CREB5: variants seen among roughly 807,000 people sequenced by gnomAD.
CREB5 encodes cyclic AMP-responsive element-binding protein 5.
In CREB5, 19 loss-of-function variants were observed where a neutral mutation model predicts 57.1. That is an observed-to-expected ratio of 0.33 (90% CI 0.23 to 0.49). The LOEUF is 0.49. CREB5 is among the 20% of genes least tolerant of loss of function. The pLI is 0.99. For synonymous variants in CREB5, 238 were observed against 238.3 expected, an observed-to-expected ratio of 1.00 and a Z score of 0.01; for missense variants, 579 against 671.6, an observed-to-expected ratio of 0.86 and a Z score of 1.52.
At chr7:28,649,232 T>C (rs1455150906) in intron 5 of CREB5, among the ~76,000 whole-genome samples, 4 of 152,256 alleles carry the variant, frequency 2.6e-5, no homozygotes, top group Non-Finnish European at 5.9e-5. Context: ...CAGGAATTGG[T>C]AAACCATGGC....
At chr7:28,520,750 C>T (rs1324231465) in intron 4 of CREB5, among the ~76,000 whole-genome samples, 1 of 152,176 alleles carries the variant, frequency 6.6e-6, no homozygotes, top group Non-Finnish European at 1.5e-5. Context: ...TTCTTGGCTC[C>T]CCAGAGCCGT....
chr7:28,435,580 C>G, intron 1 of CREB5: 1 of 954,458 alleles, frequency 1.0e-6, no homozygotes, highest in Non-Finnish European at 1.2e-6. Context: ...TCAGGAGAAA[C>G]ATTTCAAACA....
Position 28,483,932 on chromosome 7 carries a change from C to A in CREB5, c.4-4243C>A, listed in dbSNP as rs76461835. On this transcript the variant is annotated intron_variant, in intron 1 of 10. Coordinates refer to ENST00000357727, the MANE Select transcript of CREB5 (RefSeq NM_182898.4). ...ACCTCACCAATAATTTGATTCAGGG[C>A]AAACAGTGTTTGAAAACCACTGCCT... 1.9e-3 allele frequency among the ~76,000 whole-genome samples: 296 copies of A among 152,294 alleles called. 2 individuals are homozygous for A. Among genetic ancestry groups the A allele is most frequent in the East Asian group, 7.3e-3 (38 of 5,186 alleles).
intron 5 of CREB5, among the ~76,000 whole-genome samples, chr7:28,694,358 T>C (rs1801427743): frequency 6.6e-6 from 1 of 152,178 alleles, no homozygotes; most frequent in Non-Finnish European, 1.5e-5. Flanking sequence ...CAGTGGCCTC[T>C]CTATAGCCAG....
At chr7:28,581,323 C>G (rs1170922053) in intron 5 of CREB5, among the ~76,000 whole-genome samples, 1 of 152,208 alleles carries the variant, frequency 6.6e-6, no homozygotes, top group Non-Finnish European at 1.5e-5. Context: ...TTAGGGATCT[C>G]AGAGAAAGTG....
chr7:28,472,126 C>A (rs1431659197), intron 1 of CREB5, among the ~76,000 whole-genome samples: 2 of 142,302 alleles, frequency 1.4e-5, no homozygotes, highest in African/African-American at 5.2e-5. Context: ...CCACTAAACC[C>A]AAAATACGTC....
chr7:28,550,060 A>G (rs1794565786), intron 4 of CREB5, among the ~76,000 whole-genome samples: 1 of 151,880 alleles, frequency 6.6e-6, no homozygotes, highest in South Asian at 2.1e-4. Flanking sequence ...ACTTTATGGC[A>G]CTCTTAGTCT....
intron 1 of CREB5, among the ~76,000 whole-genome samples, chr7:28,451,644 C>A (rs1191791250): frequency 6.6e-6 from 1 of 151,904 alleles, no homozygotes; most frequent in Non-Finnish European, 1.5e-5. Context: ...TGTGCATGTG[C>A]AAATACATAT....
intron 4 of CREB5, among the ~76,000 whole-genome samples, chr7:28,549,518 C>T (rs1017117744): frequency 1.1e-4 from 17 of 152,206 alleles, no homozygotes; most frequent in Non-Finnish European, 2.1e-4. Flanking sequence ...CTACACACCT[C>T]GCTGTTCTTC....
chr7:28,728,863 T>A (rs371474123), intron 7 of CREB5, among the ~76,000 whole-genome samples: 1 of 152,214 alleles, frequency 6.6e-6, no homozygotes, highest in African/African-American at 2.4e-5. Flanking sequence ...TCAAGAGTAG[T>A]TGACTTCATT....
At chr7:28,453,962 T>TTTTTTTTTTC (rs1789966992) in intron 1 of CREB5, among the ~76,000 whole-genome samples, 1 of 144,916 alleles carries the variant, frequency 6.9e-6, no homozygotes, top group Non-Finnish European at 1.5e-5. Context: ...CCAATTCTTT[T>TTTTTTTTTTC]TTTTTTTTTG....
intron 7 of CREB5, among the ~76,000 whole-genome samples, chr7:28,734,206 CAAA>C (rs61403862): frequency 0.012 from 1,199 of 96,402 alleles, 1 homozygote; most frequent in Middle Eastern, 0.038. Flanking sequence ...TTCAGTAGTT[CAAA>C]AAAAAAAAAA....
chr7:28,535,681 G>A (rs1793937228), intron 4 of CREB5, among the ~76,000 whole-genome samples: 2 of 152,122 alleles, frequency 1.3e-5, no homozygotes, highest in African/African-American at 4.8e-5. Flanking sequence ...GGGCAAGAAG[G>A]AAGGAAGGAA....
rs1425818986 is a variant in CREB5 at position 28,718,848 on chromosome 7, C to A, written c.560C>A (p.Thr187Lys). Residue 187 changes from threonine to lysine, a missense_variant, in exon 6 of 11, where the codon ACA becomes AAA. By Grantham distance (78) the Thr-to-Lys change is moderately conservative. Around this residue, in one of 3 missense-constraint regions of CREB5, gnomAD observed 459 missense variants for 515.7 expected, o/e 0.89. Coordinates refer to ENST00000357727, the MANE Select transcript of CREB5 (RefSeq NM_182898.4). ...ASMPGTLPNPTMPGSSAVLMP... is the reference protein window; with the variant it reads ...ASMPGTLPNPKMPGSSAVLMP... ...ATGCCTGGGACCCTGCCCAACCCTA[C>A]AATGCCAGGATCTTCCGCCGTCTTG... is the stretch of plus-strand genomic sequence containing the variant. The A allele has an allele frequency of 6.2e-7, 1 of 1,614,118 alleles. No homozygotes were observed. Among genetic ancestry groups the A allele is most frequent in the Admixed American group, 1.7e-5 (1 of 60,024 alleles).
intron 7 of CREB5, among the ~76,000 whole-genome samples, chr7:28,775,197 G>A (rs563513833): frequency 6.6e-6 from 1 of 151,996 alleles, no homozygotes; most frequent in Admixed American, 6.6e-5. Flanking sequence ...TTTTATTTTC[G>A]TACACTATTC....
At chr7:28,406,546 C>A (rs1163319987) in intron 1 of CREB5, among the ~76,000 whole-genome samples, 2 of 152,216 alleles carry the variant, frequency 1.3e-5, no homozygotes, top group African/African-American at 4.8e-5. Flanking sequence ...CTGGTGTAAG[C>A]GCCCCTGTCT....
chr7:28,649,622 A>G (rs1799046630), intron 5 of CREB5, among the ~76,000 whole-genome samples: 1 of 152,220 alleles, frequency 6.6e-6, no homozygotes, highest in Admixed American at 6.5e-5. Context: ...GATTCAGCAT[A>G]GAAAGGATAG....
intron 4 of CREB5, among the ~76,000 whole-genome samples, chr7:28,529,373 A>T (rs6969064): frequency 6.6e-6 from 1 of 152,148 alleles, no homozygotes; most frequent in Non-Finnish European, 1.5e-5. Flanking sequence ...GCAGAAAAGG[A>T]TGGGCCAGGA....
In CREB5 at chr7:28,507,597, T is replaced by C; in HGVS notation, c.170-19T>C. 6.3e-7 allele frequency: 1 copy of C among 1,599,068 alleles called. No homozygotes were observed. ...TGAGAAAAAAGACCCATTTATGAGC[T>C]CTCCGACTCTGTTTTCAGATCAAAC... On this transcript the variant is annotated intron_variant, in intron 3 of 10. Transcript: ENST00000357727.
Sources: allele counts gnomAD v4.1 joint callset (sites outside exome capture counted in the v4.1 genomes callset), GRCh38; gene constraint gnomAD v4.1.1; regional missense constraint gnomAD v4.1.1; transcripts MANE v1.5; gene names NCBI Gene and HGNC (gene_info 2026-07-23, HGNC 2026-07-21).